Variants in IL1RAPL1 observed in about 807,000 individuals in gnomAD.
IL1RAPL1 encodes interleukin-1 receptor accessory protein-like 1.
Under a neutral mutation model 48.4 loss-of-function variants are expected in IL1RAPL1, and 3 were observed. That is an observed-to-expected ratio of 0.06 (90% CI 0.03 to 0.16). The LOEUF (loss-of-function observed/expected upper bound fraction) is 0.16. Among genes scored for constraint, IL1RAPL1 ranks in the 10% least tolerant of loss-of-function variants. The probability of loss-of-function intolerance (pLI) is 1.00; values close to 1 mark genes in which losing one functional copy is unlikely to be tolerated. For missense variants in IL1RAPL1, 349 were observed against 530.6 expected (o/e 0.66, Z 3.36); for synonymous variants, 185 against 187.7 (o/e 0.99, Z 0.12).
intron 2 of IL1RAPL1, among the ~76,000 whole-genome samples, chrX:28,856,133 G>A (rs1921799586): frequency 9.0e-6 from 1 of 111,528 alleles, no homozygotes; most frequent in Non-Finnish European, 1.9e-5. Context: ...CTGTGCTTTG[G>A]AGATAGCAGC....
intron 9 of IL1RAPL1, among the ~76,000 whole-genome samples, chrX:29,954,235 CAAAAAAAAA>C (rs34345826): frequency 1.5e-3 from 45 of 30,424 alleles, no homozygotes; most frequent in Admixed American, 8.8e-3. Context: ...GACTGTGTCC[CAAAAAAAAA>C]AAAAAAAAAA....
chrX:29,899,120 G>GGTGTGTGTGT (rs112187676), intron 6 of IL1RAPL1, among the ~76,000 whole-genome samples: 1,325 of 107,319 alleles, frequency 0.012, 76 homozygotes, highest in Admixed American at 0.12. Context: ...TATTTATTAG[G>GGTGTGTGTGT]GTGTGTGTGT....
At chrX:29,371,643 C>A (rs892641715) in intron 3 of IL1RAPL1, among the ~76,000 whole-genome samples, 33 of 111,447 alleles carry the variant, frequency 3.0e-4, no homozygotes, top group Admixed American at 9.5e-5. Flanking sequence ...ATGTTTATGT[C>A]CATGAGTGCT....
intron 2 of IL1RAPL1, among the ~76,000 whole-genome samples, chrX:29,265,707 T>C (rs1420948992): frequency 2.0e-5 from 2 of 97,688 alleles, no homozygotes; most frequent in Non-Finnish European, 2.0e-5. Flanking sequence ...CACCTATGAG[T>C]GAGAATATGC....
chrX:29,686,500 T>G (rs1312514467), intron 6 of IL1RAPL1, among the ~76,000 whole-genome samples: 1 of 109,094 alleles, frequency 9.2e-6, no homozygotes, highest in Non-Finnish European at 1.9e-5. Flanking sequence ...GCACCTAGTT[T>G]CCTTGATCCC....
intron 2 of IL1RAPL1, among the ~76,000 whole-genome samples, chrX:28,876,339 T>A (rs1372949094): frequency 8.9e-6 from 1 of 111,947 alleles, no homozygotes; most frequent in Non-Finnish European, 1.9e-5. Flanking sequence ...AGCATTTCTG[T>A]CCACAACTCT....
intron 2 of IL1RAPL1, among the ~76,000 whole-genome samples, chrX:29,173,090 C>G: frequency 9.0e-6 from 1 of 110,967 alleles, no homozygotes; most frequent in Middle Eastern, 4.6e-3. Flanking sequence ...TTGATAATCC[C>G]CTGCGTAATT....
At chrX:29,707,511 A>C (rs1374375760) in intron 6 of IL1RAPL1, among the ~76,000 whole-genome samples, 2 of 112,307 alleles carry the variant, frequency 1.8e-5, no homozygotes, top group East Asian at 5.5e-4. Flanking sequence ...CACAATTTGC[A>C]GTTGCAAAAA....
intron 6 of IL1RAPL1, among the ~76,000 whole-genome samples, chrX:29,731,440 G>C (rs1046022925): frequency 1.1e-4 from 12 of 112,120 alleles, no homozygotes; most frequent in Non-Finnish European, 1.5e-4. Context: ...AAAGACATCT[G>C]ATGTGGAGGC....
chrX:29,045,469 G>T (rs979515692), intron 2 of IL1RAPL1, among the ~76,000 whole-genome samples: 5 of 111,356 alleles, frequency 4.5e-5, no homozygotes, highest in Non-Finnish European at 9.4e-5. Flanking sequence ...TATTCATTTG[G>T]AAACACATTT....
At chrX:29,140,409 C>A (rs1929221296) in intron 2 of IL1RAPL1, among the ~76,000 whole-genome samples, 1 of 111,773 alleles carries the variant, frequency 8.9e-6, no homozygotes, top group Admixed American at 9.6e-5. Context: ...TGAATAAATA[C>A]CTGTACTCTA....
intron 6 of IL1RAPL1, among the ~76,000 whole-genome samples, chrX:29,785,352 G>A (rs1929470363): frequency 8.9e-6 from 1 of 112,499 alleles, no homozygotes; most frequent in South Asian, 3.6e-4. Context: ...GTCATACCAA[G>A]TGTTGTAAGG....
intron 2 of IL1RAPL1, among the ~76,000 whole-genome samples, chrX:28,813,866 G>A (rs1301041447): frequency 9.0e-6 from 1 of 110,863 alleles, no homozygotes; most frequent in Admixed American, 9.6e-5. Flanking sequence ...ACTCCAGCTT[G>A]CCTTTCGAGC....
intron 5 of IL1RAPL1, among the ~76,000 whole-genome samples, chrX:29,596,049 GGT>G (rs1271521833): frequency 9.0e-6 from 1 of 111,176 alleles, no homozygotes. Context: ...TAAGTATTTG[GGT>G]GTGTTTCTGG....
At chrX:29,047,334 C>T (rs1277361773) in intron 2 of IL1RAPL1, among the ~76,000 whole-genome samples, 2 of 111,718 alleles carry the variant, frequency 1.8e-5, no homozygotes, top group African/African-American at 6.5e-5. Flanking sequence ...GCCACTATCC[C>T]TCATTAATTG....
At chrX:29,704,319 G>T (rs1398846991) in intron 6 of IL1RAPL1, among the ~76,000 whole-genome samples, 1 of 111,052 alleles carries the variant, frequency 9.0e-6, no homozygotes, top group Admixed American at 9.6e-5. Context: ...GTGCTTGAGG[G>T]ATACAATATT....
At chrX:29,478,078 C>G in intron 5 of IL1RAPL1, among the ~76,000 whole-genome samples, 1 of 111,640 alleles carries the variant, frequency 9.0e-6, no homozygotes, top group Admixed American at 9.4e-5. Context: ...GAGAGCAAAA[C>G]AAAAAAGGAA....
chrX:29,530,203 GTAAC>G (rs1935598466), intron 5 of IL1RAPL1, among the ~76,000 whole-genome samples: 1 of 111,659 alleles, frequency 9.0e-6, no homozygotes, highest in African/African-American at 3.3e-5. Flanking sequence ...AATGTGTAGA[GTAAC>G]TGGTAACCAG....
chrX:29,802,771 A>ATATG (rs1929957181), intron 6 of IL1RAPL1, among the ~76,000 whole-genome samples: 6 of 29,634 alleles, frequency 2.0e-4, no homozygotes, highest in African/African-American at 5.3e-4. Context: ...ATATATATAT[A>ATATG]TATATATATA....
Sources: allele counts gnomAD v4.1 joint callset (sites outside exome capture counted in the v4.1 genomes callset), GRCh38; gene constraint gnomAD v4.1.1; transcripts MANE v1.5; gene names NCBI Gene and HGNC (gene_info 2026-07-23, HGNC 2026-07-21).